The following CNTLN variants were observed in gnomAD, a reference collection of about 807,000 sequenced individuals.
CNTLN encodes the protein centlein, centrosomal protein.
In CNTLN, 212 loss-of-function variants were observed where a neutral mutation model predicts 180.0. The observed-to-expected ratio is 1.18, with a 90% CI of 1.05 to 1.32. The LOEUF is 1.32. Ranked by LOEUF, CNTLN falls within the 40% of genes most tolerant of loss-of-function variation. CNTLN has a pLI of 0.00. For synonymous variants in CNTLN, 722 were observed against 563.1 expected, an observed-to-expected ratio of 1.28 and a Z score of -3.99; for missense variants, 2,095 against 1,610.9, an observed-to-expected ratio of 1.30 and a Z score of -5.14.
intron 20 of CNTLN, 83 bp from the exon 21 acceptor site, chr9:17,464,414 G>T: frequency 8.5e-7 from 1 of 1,175,096 alleles, no homozygotes. Context: ...GTAACAGTAG[G>T]TATAATATTG....
At chr9:17,478,712 A>G (rs918585748) in intron 23 of CNTLN, among the ~76,000 whole-genome samples, 10 of 151,944 alleles carry the variant, frequency 6.6e-5, no homozygotes, top group Non-Finnish European at 1.2e-4. Context: ...TTGCCTTTGG[A>G]TATCCAGTTA....
At chr9:17,359,434 G>T (rs1027044461) in intron 12 of CNTLN, among the ~76,000 whole-genome samples, 1 of 151,852 alleles carries the variant, frequency 6.6e-6, no homozygotes, top group Non-Finnish European at 1.5e-5. Flanking sequence ...CGAATTAAAA[G>T]GCTACTTTCT....
intron 15 of CNTLN, among the ~76,000 whole-genome samples, chr9:17,398,792 A>T (rs1826734582): frequency 6.6e-6 from 1 of 152,358 alleles, no homozygotes; most frequent in African/African-American, 2.4e-5. Flanking sequence ...AAAACGTGCC[A>T]TACCAAAATA....
At chr9:17,350,435 C>T (rs1050371647) in intron 12 of CNTLN, among the ~76,000 whole-genome samples, 1 of 152,034 alleles carries the variant, frequency 6.6e-6, no homozygotes, top group African/African-American at 2.4e-5. Context: ...CCCCTTTTAT[C>T]AGGTCCTCAT....
the CNTLN span, among the ~76,000 whole-genome samples, chr9:17,519,221 C>A: frequency 4.6e-5 from 7 of 150,594 alleles, no homozygotes; most frequent in Admixed American, 6.7e-5. Flanking sequence ...AACCACTGCC[C>A]CAGCCACCAC....
At chr9:17,292,704 G>A (rs1464021855) in intron 6 of CNTLN, among the ~76,000 whole-genome samples, 1 of 152,110 alleles carries the variant, frequency 6.6e-6, no homozygotes, top group Non-Finnish European at 1.5e-5. Context: ...CTCCTGTAAT[G>A]TTTTATCATG....
the CNTLN span, among the ~76,000 whole-genome samples, chr9:17,522,696 A>G: frequency 6.6e-6 from 1 of 151,938 alleles, no homozygotes; most frequent in African/African-American, 2.4e-5. Flanking sequence ...TATTCAGGCT[A>G]TCTAGCTTTT....
intron 12 of CNTLN, among the ~76,000 whole-genome samples, chr9:17,356,603 T>G (rs983466996): frequency 6.6e-6 from 1 of 152,148 alleles, no homozygotes; most frequent in African/African-American, 2.4e-5. Flanking sequence ...CTATGGAGTT[T>G]TATAATATTA....
At chr9:17,507,835 A>G (rs140991939), downstream of CNTLN, among the ~76,000 whole-genome samples, 2,866 of 152,268 alleles carry the variant, frequency 0.019, 84 homozygotes, top group Admixed American at 0.089. Context: ...TTCTTTCTTC[A>G]GCAGACACAG....
chr9:17,282,481 T>C (rs890429084), intron 6 of CNTLN, among the ~76,000 whole-genome samples: 5 of 152,202 alleles, frequency 3.3e-5, no homozygotes, highest in African/African-American at 9.6e-5. Context: ...AGATTCTGGA[T>C]ATTAGGCCTT....
chr9:17,154,446 T>G (rs1228921081), intron 2 of CNTLN, among the ~76,000 whole-genome samples: 1 of 152,180 alleles, frequency 6.6e-6, no homozygotes, highest in Non-Finnish European at 1.5e-5. Flanking sequence ...CTGACCCTGT[T>G]TGCTTGGGTA....
intron 13 of CNTLN, among the ~76,000 whole-genome samples, chr9:17,370,408 A>G (rs927534889): frequency 2.6e-5 from 4 of 152,118 alleles, no homozygotes; most frequent in Admixed American, 6.5e-5. Context: ...TGACATACTT[A>G]AAGTGCTGAA....
rs1283635452 is a variant in CNTLN, at chr9:17,457,209, G to C, written c.3115-315G>C. Among the ~76,000 whole-genome samples the C allele has an allele frequency of 2.6e-5, 4 of 152,044 alleles. No homozygotes were observed. The East Asian group carries it at 5.8e-4, about 22-fold the overall frequency. On this transcript the variant is annotated intron_variant, in intron 18 of 25. Coordinates refer to ENST00000380647, the MANE Select transcript of CNTLN (RefSeq NM_017738.4). ...AGTACTACATCAGCTCTGAAGTCAA[G>C]GTTATCAAATATGTGAATGTCTGGC... is the stretch of plus-strand genomic sequence containing the variant.
intron 5 of CNTLN, among the ~76,000 whole-genome samples, chr9:17,247,361 T>C (rs1176841143): frequency 6.6e-6 from 1 of 152,210 alleles, no homozygotes; most frequent in Non-Finnish European, 1.5e-5. Flanking sequence ...GTTCCCTCCA[T>C]GGTGCCAGCT....
chr9:17,507,541 G>A (rs372630684), downstream of CNTLN, among the ~76,000 whole-genome samples: 2 of 152,060 alleles, frequency 1.3e-5, no homozygotes, highest in South Asian at 2.1e-4. Context: ...ATAGTAATTC[G>A]GTTTTTAGTT....
intron 5 of CNTLN, among the ~76,000 whole-genome samples, chr9:17,237,683 T>G (rs1222909635): frequency 6.6e-6 from 1 of 152,062 alleles, no homozygotes; most frequent in African/African-American, 2.4e-5. Flanking sequence ...TTTTGGTATT[T>G]GGAGACCCCT....
At chr9:17,370,199 A>C (rs113316503) in intron 13 of CNTLN, among the ~76,000 whole-genome samples, 1 of 152,330 alleles carries the variant, frequency 6.6e-6, no homozygotes, top group East Asian at 1.9e-4. Context: ...ATATTCAACT[A>C]TGAGAAAGTT....
At chr9:17,302,933 G>A (rs780997218) in intron 7 of CNTLN, among the ~76,000 whole-genome samples, 1 of 152,108 alleles carries the variant, frequency 6.6e-6, no homozygotes, top group Non-Finnish European at 1.5e-5. Context: ...TATGTAAATC[G>A]AGATAAAAAT....
intron 16 of CNTLN, among the ~76,000 whole-genome samples, chr9:17,414,045 A>G (rs1828048432): frequency 6.6e-6 from 1 of 152,220 alleles, no homozygotes; most frequent in African/African-American, 2.4e-5. Flanking sequence ...GGAGCTAACT[A>G]TTGACGTATA....
Sources: allele counts gnomAD v4.1 joint callset (sites outside exome capture counted in the v4.1 genomes callset), GRCh38; gene constraint gnomAD v4.1.1; transcripts MANE v1.5; gene names NCBI Gene and HGNC (gene_info 2026-07-23, HGNC 2026-07-21).